PDE4D: variants seen among roughly 807,000 people sequenced by gnomAD.
The protein encoded by PDE4D is 3',5'-cyclic-AMP phosphodiesterase 4D.
PDE4D carries 24 observed loss-of-function variants against 87.4 expected under a neutral mutation model. The ratio of observed to expected loss-of-function variants is 0.27; its 90% CI spans 0.20 to 0.39. PDE4D has a LOEUF of 0.39. Ranked by LOEUF, PDE4D falls within the 10% of genes least tolerant of loss-of-function variation. PDE4D has a pLI of 1.00. For synonymous variants in PDE4D, 384 were observed against 383.2 expected (o/e 1.00, Z -0.02); for missense variants, 714 against 1,041.0 (o/e 0.69, Z 4.32).
Position 60,006,874 on chromosome 5 carries a change from AC to A in PDE4D, c.43-18158del, listed in dbSNP as rs5868215. ...TATTACCATATCCAATTTCAAATAA[AC>A]AGCAAGTTTCCAAGAATTTAATAAG... On this transcript the variant is annotated intron_variant, in intron 2 of 16. Coordinates refer to the PDE4D transcript ENST00000502484. Among the ~76,000 whole-genome samples the A allele has an allele frequency of 3.7e-3, 562 of 152,092 alleles. 20 individuals carry two copies. The East Asian group carries it at 0.086, about 23-fold the overall frequency.
chr5:59,768,696 G>A (rs1763122419), intron 1 of PDE4D: 1 of 1,417,626 alleles, frequency 7.1e-7, no homozygotes, highest in Non-Finnish European at 9.3e-7. Flanking sequence ...CTCCGCGGAA[G>A]CGTATTAAAC....
chr5:59,124,584 G>A (rs974804031), intron 5 of PDE4D, among the ~76,000 whole-genome samples: 9 of 151,988 alleles, frequency 5.9e-5, no homozygotes, highest in South Asian at 2.1e-4. Context: ...CTGATCTATC[G>A]CTACCTGTCA....
chr5:60,456,846 A>T (rs1466521835), intron 1 of PDE4D, among the ~76,000 whole-genome samples: 1 of 152,124 alleles, frequency 6.6e-6, no homozygotes, highest in Non-Finnish European at 1.5e-5. Flanking sequence ...ACACAAGAAG[A>T]TCCACTTTCC....
At chr5:59,420,646 A>T (rs927946660) in intron 1 of PDE4D, among the ~76,000 whole-genome samples, 4 of 149,138 alleles carry the variant, frequency 2.7e-5, no homozygotes, top group Non-Finnish European at 5.9e-5. Context: ...AGAAAATTAG[A>T]TTGTGTTACT....
rs140641298 is a variant in PDE4D, at chr5:60,408,800, G to A, written c.-90+79142C>T. Among the ~76,000 whole-genome samples the A allele has an allele frequency of 7.4e-3, 1,124 of 152,178 alleles. 10 individuals are homozygous for A. The highest frequency in any genetic ancestry group is 0.023 in the African/African-American group (952 of 41,524). On this transcript the variant is annotated intron_variant, in intron 1 of 16. Coordinates refer to the PDE4D transcript ENST00000502484. ...ATAATAAAGGGAGAGAGATATTCTC[G>A]CCATTACTATGGTTCATAATAAATA...
intron 2 of PDE4D, among the ~76,000 whole-genome samples, chr5:60,045,006 C>T (rs922850006): frequency 1.3e-5 from 2 of 152,190 alleles, no homozygotes; most frequent in African/African-American, 4.8e-5. Flanking sequence ...TCCTATTTAT[C>T]CACATCCTCT....
intron 1 of PDE4D, among the ~76,000 whole-genome samples, chr5:60,236,208 C>T (rs1583170613): frequency 6.6e-6 from 1 of 151,842 alleles, no homozygotes; most frequent in African/African-American, 2.4e-5. Flanking sequence ...AGAATGACAA[C>T]AAAAGCATAA....
At chr5:60,336,716 T>C (rs1379703536) in intron 1 of PDE4D, among the ~76,000 whole-genome samples, 1 of 152,172 alleles carries the variant, frequency 6.6e-6, no homozygotes, top group Non-Finnish European at 1.5e-5. Context: ...GTTGATAGGA[T>C]CCATGGTCTC....
intron 3 of PDE4D, among the ~76,000 whole-genome samples, chr5:59,909,058 G>A (rs1753156838): frequency 6.6e-6 from 1 of 152,094 alleles, no homozygotes; most frequent in East Asian, 1.9e-4. Context: ...TATCAAATAT[G>A]ATAAATACAT....
At position 59,149,705 on chromosome 5, in the gene PDE4D, A is replaced by AGTTTTTT. The variant is rs1561572691; in HGVS notation, c.808+30883_808+30889dup. On this transcript the variant is annotated intron_variant, in intron 5 of 14. Transcript: ENST00000340635. Reference sequence around the variant, plus strand: ...CTTTGCCTTTCTCCCTCTCTCCTCGAGTTTTTTTTTTTTTTTTTTTTTTTT... The same window carrying AGTTTTTT: ...CTTTGCCTTTCTCCCTCTCTCCTCGAGTTTTTTGTTTTTTTTTTTTTTTTTTTTTTTT... Among the ~76,000 whole-genome samples, 7 of 38,870 alleles carry AGTTTTTT rather than the reference A, an allele frequency of 1.8e-4. 1 individual carries two copies. Among genetic ancestry groups the AGTTTTTT allele is most frequent in the Non-Finnish European group, 1.5e-4 (3 of 19,504 alleles). The allele number at this position is 38,870 out of a possible 152,430, so 25.5% of individuals were successfully genotyped here. A position where few individuals can be genotyped will look rare whatever the true frequency, so the allele number is the denominator to read the frequency against.
intron 2 of PDE4D, among the ~76,000 whole-genome samples, chr5:60,011,367 A>C (rs141267920): frequency 3.0e-3 from 464 of 152,246 alleles, no homozygotes; most frequent in Middle Eastern, 6.8e-3. Context: ...CTGTGGCAGT[A>C]GTTTGCTGAC....
chr5:59,042,981 C>G (rs569176985), intron 5 of PDE4D, among the ~76,000 whole-genome samples: 1 of 152,310 alleles, frequency 6.6e-6, no homozygotes, highest in South Asian at 2.1e-4. Context: ...GTGAAATGTT[C>G]AGTCCATTAC....
At chr5:59,370,472 G>GA (rs1347779276) in intron 1 of PDE4D, among the ~76,000 whole-genome samples, 1 of 152,018 alleles carries the variant, frequency 6.6e-6, no homozygotes, top group Non-Finnish European at 1.5e-5. Context: ...TCTTCCTTTG[G>GA]AAAAATGCAT....
intron 1 of PDE4D, among the ~76,000 whole-genome samples, chr5:60,366,036 T>A (rs1239895689): frequency 1.4e-5 from 2 of 140,690 alleles, no homozygotes; most frequent in African/African-American, 2.7e-5. Context: ...AGAGTAAGAC[T>A]CTGTCTCAAA....
intron 5 of PDE4D, among the ~76,000 whole-genome samples, chr5:59,169,201 C>T (rs1782371172): frequency 6.6e-6 from 1 of 152,068 alleles, no homozygotes; most frequent in Admixed American, 6.6e-5. Flanking sequence ...CAACATTTTG[C>T]CCCACCACAG....
chr5:59,726,902 T>C lies in PDE4D; in HGVS notation c.455+166266A>G, dbSNP rs143681561. ...CTATATAGCCATCTAGTTTAACTCA[T>C]TGATCATTTAATTCAACAGAGTTGA... On this transcript the variant is annotated intron_variant, in intron 1 of 14. Coordinates refer to ENST00000340635, the MANE Select transcript of PDE4D (RefSeq NM_001104631.2). 2.9e-3 allele frequency among the ~76,000 whole-genome samples: 434 copies of C among 152,166 alleles called. 5 individuals are homozygous for C. The highest frequency in any genetic ancestry group is 1.0e-2 in the African/African-American group (414 of 41,556).
intron 5 of PDE4D, among the ~76,000 whole-genome samples, chr5:59,128,876 G>C (rs1433329940): frequency 3.3e-5 from 5 of 152,172 alleles, no homozygotes; most frequent in African/African-American, 1.2e-4. Context: ...CTTACACCTG[G>C]TTCAACCCTT....
At chr5:60,329,768 G>A (rs1192042428) in intron 1 of PDE4D, among the ~76,000 whole-genome samples, 1 of 152,118 alleles carries the variant, frequency 6.6e-6, no homozygotes. Context: ...CCCACTCTCG[G>A]TGAAAATATA....
chr5:60,439,998 C>T (rs1241988113), intron 1 of PDE4D, among the ~76,000 whole-genome samples: 1 of 151,774 alleles, frequency 6.6e-6, no homozygotes, highest in East Asian at 1.9e-4. Flanking sequence ...CTCTCTCCAA[C>T]TCTCTAACTT....
Sources: gnomAD v4.1 joint callset for allele counts (sites outside exome capture counted in the v4.1 genomes callset) on GRCh38, gnomAD v4.1.1 for gene constraint, MANE v1.5 for transcripts, NCBI Gene and HGNC (gene_info 2026-07-23, HGNC 2026-07-21) for gene names.